SND1: variants seen among roughly 807,000 people sequenced by gnomAD.
SND1 encodes staphylococcal nuclease domain-containing protein 1.
Under a neutral mutation model 121.7 loss-of-function variants are expected in SND1, and 38 were observed. The observed-to-expected ratio is 0.31, with a 90% confidence interval of 0.24 to 0.41. The LOEUF is 0.41. Among genes scored for constraint, SND1 ranks in the 10% least tolerant of loss-of-function variants. The probability of loss-of-function intolerance (pLI) is 1.00; values close to 1 mark genes in which losing one functional copy is unlikely to be tolerated. For missense variants in SND1, 868 were observed against 1,184.6 expected (o/e 0.73, Z 3.92); for synonymous variants, 401 against 447.4 (o/e 0.90, Z 1.31).
At chr7:128,070,330 C>CTTG (rs1793388052) in intron 16 of SND1, among the ~76,000 whole-genome samples, 1 of 152,230 alleles carries the variant, frequency 6.6e-6, no homozygotes, top group Admixed American at 6.5e-5. Flanking sequence ...GCCCATGCTG[C>CTTG]TTGTGTACAT....
chr7:127,665,416 T>A (rs186945478), intron 1 of SND1, among the ~76,000 whole-genome samples: 85 of 152,234 alleles, frequency 5.6e-4, no homozygotes, highest in Middle Eastern at 3.4e-3. Flanking sequence ...GTCAATCTCC[T>A]GACCTCGTGA....
At chr7:127,813,462 C>T (rs1376966728) in intron 11 of SND1, among the ~76,000 whole-genome samples, 1 of 152,176 alleles carries the variant, frequency 6.6e-6, no homozygotes, top group Non-Finnish European at 1.5e-5. Context: ...GTTGTTTTCC[C>T]TGCAGACTCT....
chr7:127,955,800 A>G (rs935023353), intron 15 of SND1, among the ~76,000 whole-genome samples: 9 of 152,150 alleles, frequency 5.9e-5, no homozygotes, highest in African/African-American at 2.2e-4. Context: ...ATTCTAAGAC[A>G]CATATCTGCT....
chr7:127,653,205 C>G (rs941247611), intron 1 of SND1, among the ~76,000 whole-genome samples: 3 of 152,204 alleles, frequency 2.0e-5, no homozygotes, highest in Non-Finnish European at 4.4e-5. Flanking sequence ...ATACCCTCAA[C>G]TTTTTGAAAA....
chr7:127,922,052 G>C (rs775932546), intron 14 of SND1, among the ~76,000 whole-genome samples: 1 of 151,698 alleles, frequency 6.6e-6, no homozygotes, highest in Admixed American at 6.6e-5. Context: ...GCAGTGGTGC[G>C]CCATCACTGC....
chr7:127,980,569 A>G (rs1445570926), intron 15 of SND1, among the ~76,000 whole-genome samples: 2 of 152,134 alleles, frequency 1.3e-5, no homozygotes, highest in Non-Finnish European at 2.9e-5. Flanking sequence ...CTGTAGGCTA[A>G]GTATACTAAT....
chr7:127,879,606 C>T (rs776774316), intron 12 of SND1, among the ~76,000 whole-genome samples: 2 of 152,058 alleles, frequency 1.3e-5, no homozygotes, highest in Admixed American at 6.6e-5. Context: ...GCATAGCTGA[C>T]GATAAGTGAG....
At chr7:127,932,767 T>G (rs1800980199) in intron 15 of SND1, among the ~76,000 whole-genome samples, 1 of 152,182 alleles carries the variant, frequency 6.6e-6, no homozygotes, top group South Asian at 2.1e-4. Flanking sequence ...GCAAAAAGAT[T>G]ATGACGCACT....
intron 16 of SND1, among the ~76,000 whole-genome samples, chr7:128,040,261 G>A (rs1041557618): frequency 2.0e-5 from 3 of 151,192 alleles, no homozygotes; most frequent in African/African-American, 7.3e-5. Context: ...AACACGGGGT[G>A]TGTCACAGAA....
intron 15 of SND1, among the ~76,000 whole-genome samples, chr7:127,945,503 AT>A (rs1254674611): frequency 4.0e-5 from 6 of 151,362 alleles, no homozygotes; most frequent in Admixed American, 2.6e-4. Flanking sequence ...AAAAAAAAAA[AT>A]TTTTTTTTAG....
chr7:127,920,649 T>A (rs1018737848), intron 14 of SND1, among the ~76,000 whole-genome samples: 4 of 152,176 alleles, frequency 2.6e-5, no homozygotes, highest in African/African-American at 9.7e-5. Context: ...GATAGTTCTG[T>A]GGGTTGGCAG....
chr7:127,958,395 C>T (rs1188153648), intron 15 of SND1, among the ~76,000 whole-genome samples: 1 of 152,198 alleles, frequency 6.6e-6, no homozygotes, highest in Non-Finnish European at 1.5e-5. Flanking sequence ...TTTGTCCAGT[C>T]GTCTGTGTCC....
intron 10 of SND1, among the ~76,000 whole-genome samples, chr7:127,723,814 C>A (rs1429089963): frequency 6.6e-6 from 1 of 152,172 alleles, no homozygotes; most frequent in Non-Finnish European, 1.5e-5. Context: ...CGTTAAAAAA[C>A]TAAAAAGAAA....
At chr7:127,784,539 G>A (rs1298443106) in intron 10 of SND1, among the ~76,000 whole-genome samples, 1 of 152,154 alleles carries the variant, frequency 6.6e-6, no homozygotes, top group Non-Finnish European at 1.5e-5. Context: ...CATGGAAAAG[G>A]TATAATTTCA....
At chr7:128,032,274 C>T (rs1451113176) in intron 16 of SND1, among the ~76,000 whole-genome samples, 1 of 151,254 alleles carries the variant, frequency 6.6e-6, no homozygotes, top group African/African-American at 2.4e-5. Context: ...CCGTCTTCCT[C>T]TTTCCTCCTT....
At chr7:127,956,587 C>T (rs1342943159) in intron 15 of SND1, among the ~76,000 whole-genome samples, 1 of 152,162 alleles carries the variant, frequency 6.6e-6, no homozygotes, top group Non-Finnish European at 1.5e-5. Context: ...TGGCCTAGAG[C>T]TTCAGCAGAT....
At chr7:127,818,352 C>G (rs558874817) in intron 11 of SND1, among the ~76,000 whole-genome samples, 52 of 152,242 alleles carry the variant, frequency 3.4e-4, no homozygotes, top group South Asian at 2.7e-3. Context: ...TGATTTGGGG[C>G]TTTTCTGTGT....
chr7:127,982,999 C>A (rs1011904856), intron 15 of SND1, among the ~76,000 whole-genome samples: 3 of 152,278 alleles, frequency 2.0e-5, no homozygotes, highest in Non-Finnish European at 4.4e-5. Context: ...TGATTTTGTT[C>A]TTGATACTTA....
At chr7:127,721,575 C>G (rs1165053057) in intron 10 of SND1, among the ~76,000 whole-genome samples, 175 bp downstream of exon 10, 1 of 152,220 alleles carries the variant, frequency 6.6e-6, no homozygotes, top group Non-Finnish European at 1.5e-5. Flanking sequence ...TTGGGCAGGT[C>G]TCAGTGTCTT....
Sources: allele counts gnomAD v4.1 joint callset (sites outside exome capture counted in the v4.1 genomes callset), GRCh38; gene constraint gnomAD v4.1.1; transcripts MANE v1.5; gene names NCBI Gene and HGNC (gene_info 2026-07-23, HGNC 2026-07-21).